Variants in TMEM114 observed in about 807,000 individuals in gnomAD.
The protein encoded by TMEM114 is claudin-26.
In TMEM114, 6 loss-of-function variants were observed where a neutral mutation model predicts 6.2. The observed-to-expected ratio is 0.97, with a 90% CI of 0.53 to 1.91. The LOEUF (loss-of-function observed/expected upper bound fraction) is 1.91, where lower values mean the gene tolerates loss of function less well. TMEM114 is among the 40% of genes most tolerant of loss of function. TMEM114 has a pLI of 0.01. For synonymous variants in TMEM114, 104 were observed against 73.0 expected, an observed-to-expected ratio of 1.42 and a Z score of -2.16; for missense variants, 218 against 158.3, an observed-to-expected ratio of 1.38 and a Z score of -2.02.
intron 2 of TMEM114, among the ~76,000 whole-genome samples, chr16:8,553,892 C>G (rs893608390): frequency 8.0e-6 from 1 of 124,598 alleles, no homozygotes; most frequent in African/African-American, 3.0e-5. Context: ...TTTTTTTTTT[C>G]TTTTGAGACA....
intron 2 of TMEM114, among the ~76,000 whole-genome samples, chr16:8,557,539 C>A (rs775168829): frequency 6.6e-6 from 1 of 152,192 alleles, no homozygotes; most frequent in Non-Finnish European, 1.5e-5. Flanking sequence ...AGACCACAAG[C>A]AATATACAAG....
At chr16:8,552,172 T>C (rs1183110252) in intron 2 of TMEM114, among the ~76,000 whole-genome samples, 1 of 150,740 alleles carries the variant, frequency 6.6e-6, no homozygotes, top group Non-Finnish European at 1.5e-5. Context: ...GCCAGGAATT[T>C]GAGACCAGCC....
chr16:8,568,146 T>C (rs1348855873), downstream of TMEM114, among the ~76,000 whole-genome samples: 1 of 152,200 alleles, frequency 6.6e-6, no homozygotes, highest in Non-Finnish European at 1.5e-5. Flanking sequence ...TGCCAGTGCC[T>C]CAGTTTCCTC....
intron 2 of TMEM114, among the ~76,000 whole-genome samples, chr16:8,542,834 C>T (rs371681499): frequency 9.2e-5 from 14 of 152,148 alleles, no homozygotes; most frequent in African/African-American, 3.1e-4. Flanking sequence ...CCACATCCTC[C>T]CTCTGCACCA....
At chr16:8,576,714 GGA>G in intron 2 of TMEM114, among the ~76,000 whole-genome samples, 1 of 62,272 alleles carries the variant, frequency 1.6e-5, no homozygotes, top group Non-Finnish European at 3.4e-5. Flanking sequence ...CAGGAAGGAA[GGA>G]AGGAAGGAAG....
chr16:8,548,168 T>C (rs1900731068), intron 2 of TMEM114, among the ~76,000 whole-genome samples: 1 of 152,190 alleles, frequency 6.6e-6, no homozygotes, highest in South Asian at 2.1e-4. Context: ...CCGCCCCTAT[T>C]AACGGTGGGA....
chr16:8,570,957 T>C (rs1333562558), intron 3 of TMEM114, among the ~76,000 whole-genome samples: 1 of 152,196 alleles, frequency 6.6e-6, no homozygotes, highest in African/African-American at 2.4e-5. Flanking sequence ...TACCAGGCAG[T>C]GCTGGTTTCG....
the TMEM114 span, among the ~76,000 whole-genome samples, chr16:8,530,763 CT>C: frequency 3.9e-5 from 6 of 152,030 alleles, no homozygotes; most frequent in Admixed American, 6.6e-5. Context: ...GTGGCTCATG[CT>C]CATAACCCCA....
chr16:8,549,618 T>C (rs1596470642), intron 2 of TMEM114, among the ~76,000 whole-genome samples: 1 of 152,240 alleles, frequency 6.6e-6, no homozygotes, highest in East Asian at 1.9e-4. Context: ...AGATATCATG[T>C]TTTCCTTCGT....
Position 8,569,970 on chromosome 16 carries a change from C to T in TMEM114, c.475G>A (p.Ala159Thr), listed in dbSNP as rs1461492312. The stretch of plus-strand genomic sequence containing the variant: ...TCCCGGAAGGCGGCGGCTGAATACG[C>T]TATGTAGACGCTGATCCCAGCGAGG... ...VTLAGISVYI[A>T]YSAAAFREAL... Residue 159 changes from alanine to threonine, a missense_variant, in exon 4 of 4, where the codon GCG becomes ACG. Coordinates refer to ENST00000620492, the MANE Select transcript of TMEM114 (RefSeq NM_001146336.2). 3.2e-6 allele frequency: 5 copies of T among 1,550,822 alleles called. No individual in the cohort carries two copies. In the East Asian group the frequency reaches 1.2e-4, roughly 38 times the overall value.
At chr16:8,583,968 T>C (rs1474486996) in intron 2 of TMEM114, among the ~76,000 whole-genome samples, 1 of 152,178 alleles carries the variant, frequency 6.6e-6, no homozygotes, top group Non-Finnish European at 1.5e-5. Flanking sequence ...CCAATCAGCA[T>C]ATTCCATCCC....
chr16:8,561,471 G>A (rs940683169), intron 2 of TMEM114, among the ~76,000 whole-genome samples: 4 of 152,208 alleles, frequency 2.6e-5, no homozygotes, highest in African/African-American at 4.8e-5. Context: ...CACATGCACA[G>A]ACCCCAGAAT....
chr16:8,559,530 T>G (rs538680947), intron 2 of TMEM114, among the ~76,000 whole-genome samples: 1 of 152,278 alleles, frequency 6.6e-6, no homozygotes, highest in East Asian at 1.9e-4. Context: ...GGGAGCAAAC[T>G]CCACCAAGGA....
intron 2 of TMEM114, among the ~76,000 whole-genome samples, chr16:8,573,852 T>C (rs1171336449): frequency 6.6e-6 from 1 of 152,152 alleles, no homozygotes; most frequent in African/African-American, 2.4e-5. Context: ...TGAGTCACTT[T>C]TATGTCTCAC....
chr16:8,570,530 C>A (rs1901701402), intron 3 of TMEM114, among the ~76,000 whole-genome samples: 1 of 152,154 alleles, frequency 6.6e-6, no homozygotes, highest in Admixed American at 6.5e-5. Context: ...CAGGGTTTCA[C>A]CATATTGGCC....
intron 2 of TMEM114, among the ~76,000 whole-genome samples, chr16:8,562,426 A>AAGTGAGTGAGTGAATGAGTGAATG (rs1901275363): frequency 1.5e-5 from 1 of 65,206 alleles, no homozygotes; most frequent in Non-Finnish European, 3.3e-5. Context: ...GTGAGTGAAT[A>AAGTGAGTGAGTGAATGAGTGAATG]AGTGAGTGAG....
chr16:8,529,579 T>C, the TMEM114 span, among the ~76,000 whole-genome samples: 2 of 152,200 alleles, frequency 1.3e-5, no homozygotes, highest in Non-Finnish European at 2.9e-5. Flanking sequence ...TCAGATGAAC[T>C]GAATTGGAAT....
chr16:8,583,597 A>C (rs1902223227), intron 2 of TMEM114, among the ~76,000 whole-genome samples: 1 of 151,978 alleles, frequency 6.6e-6, no homozygotes, highest in Non-Finnish European at 1.5e-5. Context: ...AATAATACAA[A>C]ATTAGTTGGG....
chr16:8,539,194 T>C (rs1199082750), intron 2 of TMEM114, among the ~76,000 whole-genome samples: 1 of 152,150 alleles, frequency 6.6e-6, no homozygotes, highest in Non-Finnish European at 1.5e-5. Flanking sequence ...CGGTGCTGAA[T>C]AAACGTTTGA....
Sources: gnomAD v4.1 joint callset for allele counts (sites outside exome capture counted in the v4.1 genomes callset) on GRCh38, gnomAD v4.1.1 for gene constraint, MANE v1.5 for transcripts, NCBI Gene and HGNC (gene_info 2026-07-23, HGNC 2026-07-21) for gene names.